Variants in PTPRO observed in about 807,000 individuals in gnomAD.
PTPRO encodes the protein protein tyrosine phosphatase receptor type O, also known as receptor-type tyrosine-protein phosphatase O.
In PTPRO, 62 loss-of-function variants were observed where a neutral mutation model predicts 145.2. The observed-to-expected ratio is 0.43, with a 90% CI of 0.35 to 0.53. PTPRO has a LOEUF of 0.53. PTPRO is among the 20% of genes least tolerant of loss of function. The pLI, the probability that PTPRO is intolerant of heterozygous loss-of-function variation, is 0.01. For missense variants in PTPRO, 1,345 were observed against 1,482.7 expected, an observed-to-expected ratio of 0.91 and a Z score of 1.53; for synonymous variants, 565 against 514.7, an observed-to-expected ratio of 1.10 and a Z score of -1.32.
intron 1 of PTPRO, among the ~76,000 whole-genome samples, chr12:15,455,124 C>T (rs1941142330): frequency 6.6e-6 from 1 of 152,096 alleles, no homozygotes; most frequent in Non-Finnish European, 1.5e-5. Context: ...CAGATATCAA[C>T]ACTTCCTTCT....
At chr12:15,385,589 C>A (rs1177120843) in intron 1 of PTPRO, among the ~76,000 whole-genome samples, 2 of 151,944 alleles carry the variant, frequency 1.3e-5, no homozygotes, top group Non-Finnish European at 2.9e-5. Flanking sequence ...CCAAGGTGGG[C>A]AGATCTGAGG....
In PTPRO at chr12:15,546,390, G is replaced by A. The variant is rs549747035; in HGVS notation, c.2165-179G>A. On this transcript the variant is annotated intron_variant, in intron 12 of 26. Transcript: ENST00000281171. The stretch of plus-strand genomic sequence containing the variant: ...GAAGGGGGAAAAGGCAAAGTATTCT[G>A]CCTTCCAAGTTAGATAGCTATCTTT... The A allele has an allele frequency of 2.0e-5, 29 of 1,433,748 alleles. No homozygotes were observed. In the African/African-American group the frequency reaches 4.2e-4, roughly 21 times the overall value. 88.8% of individuals were successfully genotyped at this position (1,433,748 alleles called of 1,614,324 possible).
At chr12:15,410,986 T>C (rs761900148) in intron 1 of PTPRO, among the ~76,000 whole-genome samples, 1 of 152,202 alleles carries the variant, frequency 6.6e-6, no homozygotes, top group Non-Finnish European at 1.5e-5. Flanking sequence ...TTTTTGATAA[T>C]GAAGCAATGT....
chr12:15,536,332 G>A (rs1338594407), intron 12 of PTPRO, among the ~76,000 whole-genome samples: 1 of 152,198 alleles, frequency 6.6e-6, no homozygotes, highest in African/African-American at 2.4e-5. Context: ...TGAAGGTGAT[G>A]TTTGAGTCAG....
At chr12:15,550,492 C>T (rs1354194321) in intron 14 of PTPRO, among the ~76,000 whole-genome samples, 1 of 152,200 alleles carries the variant, frequency 6.6e-6, no homozygotes, top group African/African-American at 2.4e-5. Context: ...TAATGTCCAT[C>T]ATTCCTTGTC....
At chr12:15,394,651 A>G (rs1222458285) in intron 1 of PTPRO, among the ~76,000 whole-genome samples, 1 of 152,178 alleles carries the variant, frequency 6.6e-6, no homozygotes, top group African/African-American at 2.4e-5. Context: ...ATGCAGTACG[A>G]TTTCTGATTA....
chr12:15,569,905 G>C (rs1944001492), intron 19 of PTPRO, among the ~76,000 whole-genome samples: 1 of 152,182 alleles, frequency 6.6e-6, no homozygotes, highest in South Asian at 2.1e-4. Context: ...GGATAAAACT[G>C]ACCCCCTTTG....
At chr12:15,362,822 G>T (rs567983304) in intron 1 of PTPRO, among the ~76,000 whole-genome samples, 5 of 152,218 alleles carry the variant, frequency 3.3e-5, no homozygotes, top group African/African-American at 9.6e-5. Context: ...TAATAAAATT[G>T]TGTGAAACCT....
intron 1 of PTPRO, among the ~76,000 whole-genome samples, chr12:15,480,056 G>A (rs1362191609): frequency 6.6e-6 from 1 of 152,112 alleles, no homozygotes; most frequent in African/African-American, 2.4e-5. Flanking sequence ...AACCAAATAT[G>A]CCTATATTGC....
At chr12:15,484,393 T>G (rs1941843534) in intron 2 of PTPRO, 146 bp downstream of exon 2, 1 of 885,538 alleles carries the variant, frequency 1.1e-6, no homozygotes, top group African/African-American at 1.7e-5. Flanking sequence ...ATGAGCTATA[T>G]TAAGAATACA....
intron 19 of PTPRO, among the ~76,000 whole-genome samples, chr12:15,577,681 T>C (rs1035341007): frequency 3.3e-5 from 5 of 152,362 alleles, no homozygotes; most frequent in Middle Eastern, 3.4e-3. Context: ...AGTAGTCTTA[T>C]AGAAAGATGC....
chr12:15,418,502 C>T (rs965821253), intron 1 of PTPRO, among the ~76,000 whole-genome samples: 1 of 151,624 alleles, frequency 6.6e-6, no homozygotes, highest in African/African-American at 2.4e-5. Flanking sequence ...CCTAAAGAGG[C>T]TTCAGCAGAA....
chr12:15,333,667 G>T (rs780589867), intron 1 of PTPRO, among the ~76,000 whole-genome samples: 4 of 152,200 alleles, frequency 2.6e-5, no homozygotes, highest in Non-Finnish European at 4.4e-5. Context: ...CACTGAGTCG[G>T]GCTGGGGAGG....
At chr12:15,554,741 A>C (rs1035255463) in intron 15 of PTPRO, among the ~76,000 whole-genome samples, 2 of 151,958 alleles carry the variant, frequency 1.3e-5, no homozygotes, top group Non-Finnish European at 2.9e-5. Flanking sequence ...CAGCCCACTG[A>C]CTCATATGTT....
intron 1 of PTPRO, among the ~76,000 whole-genome samples, chr12:15,409,229 T>A (rs1162190249): frequency 6.6e-6 from 1 of 152,140 alleles, no homozygotes; most frequent in African/African-American, 2.4e-5. Flanking sequence ...TGTGCCAATT[T>A]ATTTTACCCA....
chr12:15,377,877 A>G, intron 1 of PTPRO, among the ~76,000 whole-genome samples: 1 of 152,146 alleles, frequency 6.6e-6, no homozygotes, highest in Non-Finnish European at 1.5e-5. Context: ...AAATTAAAAA[A>G]CACACTTCTA....
chr12:15,428,329 T>C (rs773310880), intron 1 of PTPRO, among the ~76,000 whole-genome samples: 6 of 152,148 alleles, frequency 3.9e-5, no homozygotes, highest in Non-Finnish European at 7.4e-5. Context: ...CTGTTCACAA[T>C]TGTCTGCAAA....
At chr12:15,443,114 G>A (rs746050919) in intron 1 of PTPRO, among the ~76,000 whole-genome samples, 9 of 152,016 alleles carry the variant, frequency 5.9e-5, no homozygotes, top group African/African-American at 1.4e-4. Context: ...GTACTCTTAC[G>A]AAAAGAGACA....
At position 15,355,721 on chromosome 12, in the gene PTPRO, C is replaced by T. The variant is rs139943276; in HGVS notation, c.75+32920C>T. Among the ~76,000 whole-genome samples the T allele has an allele frequency of 9.8e-4, 150 of 152,288 alleles. 1 individual carries two copies. The highest frequency in any genetic ancestry group is 2.9e-3 in the African/African-American group (119 of 41,566). ...CCTGTGTCTTCATTAAGTTTCCAGA[C>T]AGTTTTAATGTTTATTGAACTAAAT... On this transcript the variant is annotated intron_variant, in intron 1 of 26. Coordinates refer to ENST00000281171, the MANE Select transcript of PTPRO (RefSeq NM_030667.3).
Sources: allele counts gnomAD v4.1 joint callset (sites outside exome capture counted in the v4.1 genomes callset), GRCh38; gene constraint gnomAD v4.1.1; transcripts MANE v1.5; gene names NCBI Gene and HGNC (gene_info 2026-07-23, HGNC 2026-07-21).